ITGAD: variants seen among roughly 807,000 people sequenced by gnomAD.
The protein encoded by ITGAD is integrin subunit alpha D.
ITGAD carries 105 observed loss-of-function variants against 139.0 expected under a neutral mutation model. That is an observed-to-expected ratio of 0.76 (90% CI 0.65 to 0.89). The LOEUF is 0.89. Ranked by LOEUF, ITGAD falls within the 40% of genes least tolerant of loss-of-function variation. The probability of loss-of-function intolerance (pLI) is 0.00; values close to 1 mark genes in which losing one functional copy is unlikely to be tolerated. For synonymous variants in ITGAD, 569 were observed against 598.3 expected (o/e 0.95, Z 0.71); for missense variants, 1,384 against 1,487.3 (o/e 0.93, Z 1.14).
At chr16:31,414,096 A>G (rs1567344294) in intron 16 of ITGAD, among the ~76,000 whole-genome samples, 1 of 152,038 alleles carries the variant, frequency 6.6e-6, no homozygotes, top group East Asian at 1.9e-4. Flanking sequence ...TCACCTATCT[A>G]ATCTATCATC....
In ITGAD at chr16:31,408,512, G is replaced by T. The variant is rs199521346; in HGVS notation, c.1083+14G>T. On this transcript the variant is annotated intron_variant, in intron 10 of 29. Coordinates refer to ENST00000389202, the MANE Select transcript of ITGAD (RefSeq NM_005353.3). Reference sequence around the variant, plus strand: ...GCCCTCACAATGGTGGGTAGAGCCTGCCCTCAATCCATAGCTCTTGGATAC... The same window carrying T: ...GCCCTCACAATGGTGGGTAGAGCCTTCCCTCAATCCATAGCTCTTGGATAC... 2.8e-4 allele frequency: 447 copies of T among 1,610,862 alleles called. No individual in the cohort carries two copies. Among genetic ancestry groups the T allele is most frequent in the Non-Finnish European group, 3.5e-4 (414 of 1,177,338 alleles).
At chr16:31,424,342 G>A (rs1181650723) in intron 28 of ITGAD, 125 bp from the exon 29 acceptor site, 5 of 1,248,416 alleles carry the variant, frequency 4.0e-6, no homozygotes, top group East Asian at 2.3e-5. Flanking sequence ...CTAAGGGCAC[G>A]GGTGCTACTG....
chr16:31,409,797 A>G (rs1408015847), intron 10 of ITGAD, among the ~76,000 whole-genome samples: 1 of 151,988 alleles, frequency 6.6e-6, no homozygotes, highest in Non-Finnish European at 1.5e-5. Flanking sequence ...CTGTGGTCTC[A>G]ACTACTCAGG....
rs1294567637 is a variant in ITGAD, at chr16:31,423,855, T to C, written c.3056T>C (p.Ile1019Thr). Residue 1019 changes from isoleucine to threonine, a missense_variant, in exon 27 of 30, where the codon ATT (isoleucine) becomes ACT (threonine). By Grantham distance (89) the Ile-to-Thr change is moderately conservative. Coordinates refer to ENST00000389202, the MANE Select transcript of ITGAD (RefSeq NM_005353.3). ...CTCTTCTGCCCCCAGGACTGCTCCA[T>C]TGCTGACTGCCTGCAGTTCCGCTGT... ...ISRSPMLDCSIADCLQFRCDV... is the reference protein window; with the variant it reads ...ISRSPMLDCSTADCLQFRCDV... 8.7e-6 allele frequency: 14 copies of C among 1,614,134 alleles called. No homozygotes were observed. In the African/African-American group the frequency reaches 9.3e-5, roughly 11 times the overall value.
Position 31,410,771 on chromosome 16 carries a change from C to G in ITGAD, c.1249C>G (p.Gln417Glu). Residue 417 changes from glutamine (Q) to glutamate (E), a missense_variant, in exon 12 of 30, where the codon CAG becomes GAG. Gln to Glu is a conservative substitution (Grantham distance 29, BLOSUM62 2). Coordinates refer to ENST00000389202, the MANE Select transcript of ITGAD (RefSeq NM_005353.3). ...STELALWKGV[Q>E]NLVLGAPRYQ... ...CGAGCTAGCCCTGTGGAAGGGGGTA[C>G]AGAACCTGGTCCTGGGGGCCCCCCG... is the stretch of plus-strand genomic sequence containing the variant. The G allele has an allele frequency of 3.7e-6, 6 of 1,613,346 alleles. No individual in the cohort carries two copies. The Middle Eastern group carries it at 5.2e-4, about 141-fold the overall frequency.
chr16:31,411,627 G>A, intron 14 of ITGAD, 110 bp downstream of exon 14: 1 of 1,063,492 alleles, frequency 9.4e-7, no homozygotes, highest in Non-Finnish European at 1.4e-6. Context: ...GCAGTGGTTT[G>A]TCAGCTAAGC....
Position 31,407,366 on chromosome 16 carries a change from C to T in ITGAD, c.705-149C>T, listed in dbSNP as rs140931276. ...GCGAGACTCTGTCTCAAAAGAAAACCCAAAACGGCAAAATCAATTCCTTAA... is the reference window on the plus strand; with the variant it reads ...GCGAGACTCTGTCTCAAAAGAAAACTCAAAACGGCAAAATCAATTCCTTAA... On this transcript the variant is annotated intron_variant, in intron 7 of 29. Coordinates refer to ENST00000389202, the MANE Select transcript of ITGAD (RefSeq NM_005353.3). The T allele has an allele frequency of 2.3e-4, 174 of 769,660 alleles. 1 individual carries two copies. The African/African-American group carries it at 2.5e-3, about 11-fold the overall frequency. The allele number at this position is 769,660 out of a possible 1,614,324, so 47.7% of individuals were successfully genotyped here.
At position 31,403,925 on chromosome 16, in the gene ITGAD, A is replaced by T; in HGVS notation, c.704+280A>T. On this transcript the variant is annotated intron_variant, in intron 7 of 29. Transcript: ENST00000389202. The surrounding 1 kb of genome is among the most constrained non-coding windows in gnomAD (Gnocchi z 4.4). ...CCCCTCCCCACCCCACAGCAGCCAG[A>T]GGCCCGGGCTTTGGCTCAGACACAT... is the stretch of plus-strand genomic sequence containing the variant. 2.3e-6 allele frequency: 1 copy of T among 443,232 alleles called. No individual in the cohort carries two copies. The highest frequency in any genetic ancestry group is 4.1e-6 in the Non-Finnish European group (1 of 241,064). 27.5% of individuals were successfully genotyped at this position (443,232 alleles called of 1,614,324 possible). A position where few individuals can be genotyped will look rare whatever the true frequency, so the allele number is the denominator to read the frequency against.
At position 31,403,686 on chromosome 16, in the gene ITGAD, C is replaced by A. The variant is rs750941171; in HGVS notation, c.704+41C>A. 1 of 1,611,546 alleles carries A rather than the reference C, an allele frequency of 6.2e-7. No homozygotes were observed. The highest frequency in any genetic ancestry group is 8.5e-7 in the Non-Finnish European group (1 of 1,178,208). ...CCCAGCCTGGCGATGTGACTGCCAC[C>A]CCCACTTCCTAACCCTGGGTCAGCA... On this transcript the variant is annotated intron_variant, in intron 7 of 29. Transcript: ENST00000389202. The surrounding 1 kb of genome is among the most constrained non-coding windows in gnomAD (Gnocchi z 4.4).
At chr16:31,394,177 G>T in intron 1 of ITGAD, 59 bp from the exon 2 acceptor site, 1 of 1,019,694 alleles carries the variant, frequency 9.8e-7, no homozygotes, top group Non-Finnish European at 1.5e-6. Context: ...AGGCTGGGAG[G>T]TCCTAGGGAT....
intron 6 of ITGAD, 145 bp downstream of exon 6, chr16:31,402,390 C>T: frequency 1.5e-6 from 1 of 662,614 alleles, no homozygotes; most frequent in East Asian, 2.8e-5. Flanking sequence ...CAGCACAGGC[C>T]CAACTTGAGC....
Position 31,411,188 on chromosome 16 carries a change from A to G in ITGAD, c.1469A>G (p.Gln490Arg). The G allele has an allele frequency of 1.9e-6, 3 of 1,613,902 alleles. No individual in the cohort carries two copies. The highest frequency in any genetic ancestry group is 1.7e-6 in the Non-Finnish European group (2 of 1,179,904). ...TACTATGAGCAGACCCGAGGGGGCCAGGTGTCCGTGTGTCCCTTGCCTAGG... is the reference window on the plus strand; with the variant it reads ...TACTATGAGCAGACCCGAGGGGGCCGGGTGTCCGTGTGTCCCTTGCCTAGG... The part of the protein sequence containing the change: ...PHYYEQTRGG[Q>R]VSVCPLPRGR... Residue 490 changes from glutamine to arginine, a missense_variant, in exon 13 of 30, where the codon CAG becomes CGG. Transcript: ENST00000389202.
At position 31,406,073 on chromosome 16, in the gene ITGAD, T is replaced by A. The variant is rs555051728; in HGVS notation, c.705-1442T>A. ...TAGAGTTACATGAGCAGGTAGTTAC[T>A]TTTTTTTTTCTTTTTTTTTGAGACG... On this transcript the variant is annotated intron_variant, in intron 7 of 29. Transcript: ENST00000389202. Among the ~76,000 whole-genome samples, 17 of 149,464 alleles carry A rather than the reference T, an allele frequency of 1.1e-4. No homozygotes were observed. The East Asian group carries it at 3.4e-3, about 30-fold the overall frequency.
At chr16:31,408,278 G>A (rs1010881290) in intron 9 of ITGAD, 147 bp from the exon 10 acceptor site, 11 of 689,964 alleles carry the variant, frequency 1.6e-5, no homozygotes, top group South Asian at 6.9e-5. Context: ...AGCCTGTCCC[G>A]CACAGTCTTG....
chr16:31,410,266 G>A lies in ITGAD; in HGVS notation c.1084-129G>A. 4 of 1,271,814 alleles carry A rather than the reference G, an allele frequency of 3.1e-6. No homozygotes were observed. The East Asian group carries it at 9.6e-5, about 31-fold the overall frequency. 78.8% of individuals were successfully genotyped at this position (1,271,814 alleles called of 1,614,324 possible). A position where few individuals can be genotyped will look rare whatever the true frequency, so the allele number is the denominator to read the frequency against. Reference sequence around the variant, plus strand: ...GGGGACAGGCAGAGGCACAGAGGCTGCTGGTGCGGGCCGGGAAGACAGAGA... The same window carrying A: ...GGGGACAGGCAGAGGCACAGAGGCTACTGGTGCGGGCCGGGAAGACAGAGA... On this transcript the variant is annotated intron_variant, in intron 10 of 29. Coordinates refer to ENST00000389202, the MANE Select transcript of ITGAD (RefSeq NM_005353.3).
At position 31,423,946 on chromosome 16, in the gene ITGAD, C is replaced by A; in HGVS notation, c.3147C>A (p.Gly1049=). The change falls in exon 27 of 30, where the codon GGC becomes GGA. Residue 1049 remains glycine (G), a synonymous_variant. Coordinates refer to ENST00000389202, the MANE Select transcript of ITGAD (RefSeq NM_005353.3). ...CCCTGAAGGGCAATCTCAGTTTCGG[C>A]TGGGTCCGCGAGGTGTGTGGGGGCA... ...DFTLKGNLSF[G]WVRETLQKKV... is the part of the protein sequence containing the mutation. 6.2e-7 allele frequency: 1 copy of A among 1,614,190 alleles called. No individual in the cohort carries two copies.
rs777614955 is a variant in ITGAD, at chr16:31,416,515, C to T, written c.2368C>T (p.Leu790=). Residue 790 remains leucine (L), a synonymous_variant, in exon 20 of 30, where the codon CTG becomes TTG. Transcript: ENST00000389202. The stretch of plus-strand genomic sequence containing the variant: ...GTCCTTCCCCTTCAGCCTGCAGACC[C>T]TGACCGTGGGGAGCTCCCTGGAGCT... The part of the protein sequence containing the change: ...VTLSFSGLQT[L]TVGSSLELNV... The T allele has an allele frequency of 3.7e-6, 6 of 1,611,500 alleles. No individual in the cohort carries two copies. The highest frequency in any genetic ancestry group is 4.2e-6 in the Non-Finnish European group (5 of 1,177,896).
At chr16:31,411,683 T>C (rs1164839819) in intron 14 of ITGAD, among the ~76,000 whole-genome samples, 166 bp downstream of exon 14, 1 of 152,238 alleles carries the variant, frequency 6.6e-6, no homozygotes, top group African/African-American at 2.4e-5. Flanking sequence ...GCCTTCCATC[T>C]GTGTGGGCAG....
intron 23 of ITGAD, among the ~76,000 whole-genome samples, chr16:31,421,862 G>A (rs1212437130): frequency 6.6e-6 from 1 of 152,140 alleles, no homozygotes; most frequent in Admixed American, 6.6e-5. Flanking sequence ...GGACTGCTGG[G>A]GCTGTTTCTG....
Sources: allele counts gnomAD v4.1 joint callset (sites outside exome capture counted in the v4.1 genomes callset), GRCh38; gene constraint gnomAD v4.1.1; non-coding constraint Gnocchi (gnomAD v3.1); transcripts MANE v1.5; gene names NCBI Gene and HGNC (gene_info 2026-07-23, HGNC 2026-07-21).